The following ELL2 variants were observed in gnomAD, a reference collection of about 807,000 sequenced individuals.
The protein encoded by ELL2 is elongation factor for RNA polymerase II 2, also known as RNA polymerase II elongation factor ELL2.
Under a neutral mutation model 72.8 loss-of-function variants are expected in ELL2, and 21 were observed. The ratio of observed to expected loss-of-function variants is 0.29; its 90% CI spans 0.20 to 0.42. ELL2 has a LOEUF of 0.42. Ranked by LOEUF, ELL2 falls within the 10% of genes least tolerant of loss-of-function variation. The probability of loss-of-function intolerance (pLI) is 1.00; values close to 1 mark genes in which losing one functional copy is unlikely to be tolerated. For missense variants in ELL2, 568 were observed against 772.8 expected, an observed-to-expected ratio of 0.73 and a Z score of 3.14; for synonymous variants, 266 against 283.2, an observed-to-expected ratio of 0.94 and a Z score of 0.61.
intron 4 of ELL2, among the ~76,000 whole-genome samples, chr5:95,907,296 A>ATATATATATATATTTTTTTTTTT: frequency 3.4e-5 from 4 of 116,492 alleles, no homozygotes; most frequent in South Asian, 6.1e-4. Flanking sequence ...ATATATATAT[A>ATATATATATATATTTTTTTTTTT]TTTTTTTTTT....
At chr5:95,906,443 T>C in intron 5 of ELL2, 80 bp downstream of exon 5, 1 of 1,439,586 alleles carries the variant, frequency 6.9e-7, no homozygotes, top group East Asian at 2.3e-5. Flanking sequence ...ATAATAATGA[T>C]AATAATGACA....
At chr5:95,946,194 C>T (rs1274829163) in intron 1 of ELL2, among the ~76,000 whole-genome samples, 2 of 152,112 alleles carry the variant, frequency 1.3e-5, no homozygotes, top group Admixed American at 6.5e-5. Context: ...TAGTGCAGTC[C>T]GGGCGGATGC....
intron 9 of ELL2, among the ~76,000 whole-genome samples, chr5:95,892,925 G>A (rs1450665467): frequency 2.0e-5 from 3 of 152,192 alleles, no homozygotes; most frequent in Non-Finnish European, 4.4e-5. Flanking sequence ...GCCAAGCAGT[G>A]AAGCAGTCCT....
At chr5:95,922,207 C>T (rs1342770492) in intron 2 of ELL2, among the ~76,000 whole-genome samples, 1 of 152,128 alleles carries the variant, frequency 6.6e-6, no homozygotes, top group Non-Finnish European at 1.5e-5. Context: ...GGACTACAGG[C>T]ACCCGCCACC....
rs1308756507 is a variant in ELL2 at position 95,943,039 on chromosome 5, G to A, written c.158C>T (p.Pro53Leu). ...TTGGAACTGGATTGAAGGTCGAAAAGGAATTAAATTCTATTAAAAGAAACA... is the reference window on the plus strand; with the variant it reads ...TTGGAACTGGATTGAAGGTCGAAAAAGAATTAAATTCTATTAAAAGAAACA... Reference protein sequence around the residue: ...ETYQSHKNLIPFRPSIQFQGL... With the variant: ...ETYQSHKNLILFRPSIQFQGL... The change falls in exon 2 of 12, where the codon CCT becomes CTT. Residue 53 changes from proline (P) to leucine (L), a missense_variant. By Grantham distance (98) the Pro-to-Leu change is moderately conservative (BLOSUM62 -3). This residue lies in a region of ELL2 where 511 missense variants were observed against 728.4 expected (regional missense o/e 0.70). Coordinates refer to ENST00000237853, the MANE Select transcript of ELL2 (RefSeq NM_012081.6). 7.5e-6 allele frequency: 12 copies of A among 1,600,520 alleles called. No individual in the cohort carries two copies. Among genetic ancestry groups the A allele is most frequent in the Middle Eastern group, 1.7e-4 (1 of 6,040 alleles).
At position 95,885,614 on chromosome 5, in the gene ELL2, T is replaced by C. The variant is rs1026720485; in HGVS notation, c.*3257A>G. 6.6e-6 allele frequency: 1 copy of C among 152,116 alleles called. No individual in the cohort carries two copies. The highest frequency in any genetic ancestry group is 2.4e-5 in the African/African-American group (1 of 41,416). The allele number at this position is 152,116 out of a possible 1,614,324, so 9.4% of individuals were successfully genotyped here. On this transcript the variant is annotated 3_prime_UTR_variant, in exon 12 of 12. Transcript: ENST00000237853. ...AAAAGGGTAAGGCATCCAAGCAGAG[T>C]GTCTGAATTGATGGACCACTTTTGT...
At position 95,943,020 on chromosome 5, in the gene ELL2, C is replaced by T. The variant is rs1352407043; in HGVS notation, c.177G>A (p.Gln59=). Residue 59 remains glutamine (Q), a synonymous_variant, in exon 2 of 12, where the codon CAG becomes CAA. Coordinates refer to ENST00000237853, the MANE Select transcript of ELL2 (RefSeq NM_012081.6). ...TACTCACCCCGTGGAGTCCTTGGAA[C>T]TGGATTGAAGGTCGAAAAGGAATTA... ...KNLIPFRPSI[Q]FQGLHGLVKI... 2 of 1,601,222 alleles carry T rather than the reference C, an allele frequency of 1.2e-6. No homozygotes were observed. Among genetic ancestry groups the T allele is most frequent in the African/African-American group, 1.3e-5 (1 of 74,402 alleles).
chr5:95,956,172 C>T (rs1466344879), intron 1 of ELL2, among the ~76,000 whole-genome samples: 1 of 152,096 alleles, frequency 6.6e-6, no homozygotes, highest in African/African-American at 2.4e-5. Flanking sequence ...CACATATGTT[C>T]TTTCTTTCTC....
intron 8 of ELL2, 148 bp downstream of exon 8, chr5:95,898,091 GA>G (rs61457748): frequency 0.33 from 142,368 of 436,966 alleles, 9,974 homozygotes; most frequent in East Asian, 0.51. Context: ...GCTGTAAAAT[GA>G]AAAAAAAAAA....
chr5:95,901,442 C>G (rs1434346976), intron 5 of ELL2, among the ~76,000 whole-genome samples: 1 of 152,204 alleles, frequency 6.6e-6, no homozygotes, highest in Non-Finnish European at 1.5e-5. Flanking sequence ...AGGATACACT[C>G]AAACACCCCC....
At chr5:95,930,486 T>C (rs190060369) in intron 2 of ELL2, among the ~76,000 whole-genome samples, 4 of 152,342 alleles carry the variant, frequency 2.6e-5, no homozygotes, top group Admixed American at 6.5e-5. Context: ...AGAAAACTTG[T>C]AAGTCCAATA....
chr5:95,920,069 C>T, intron 2 of ELL2, among the ~76,000 whole-genome samples: 1 of 151,942 alleles, frequency 6.6e-6, no homozygotes. Context: ...CTTAGAGTAA[C>T]AGCATAAGGT....
chr5:95,913,902 A>C lies in ELL2; in HGVS notation c.350T>G (p.Phe117Cys). 1 of 1,610,804 alleles carries C rather than the reference A, an allele frequency of 6.2e-7. No homozygotes were observed. The highest frequency in any genetic ancestry group is 8.5e-7 in the Non-Finnish European group (1 of 1,178,742). The change falls in exon 4 of 12, where the codon TTT becomes TGT. Residue 117 changes from phenylalanine to cysteine, a missense_variant. Coordinates refer to ENST00000237853, the MANE Select transcript of ELL2 (RefSeq NM_012081.6). ...ACACACTGTAATTTTATCTTGTATA[A>C]ATCCCAGGCAATTGAGCTGGGAGGC... is the stretch of plus-strand genomic sequence containing the variant. ...SGASQLNCLG[F>C]IQDKITVCAT...
intron 8 of ELL2, 149 bp downstream of exon 8, chr5:95,898,091 G>GAA (rs61457748): frequency 9.9e-3 from 4,325 of 436,590 alleles, no homozygotes; most frequent in Non-Finnish European, 0.012. Flanking sequence ...GCTGTAAAAT[G>GAA]AAAAAAAAAA....
intron 8 of ELL2, among the ~76,000 whole-genome samples, chr5:95,897,400 TG>T (rs3836904): frequency 0.31 from 47,798 of 152,138 alleles, 7,962 homozygotes; most frequent in African/African-American, 0.43. Context: ...ATCTTCTATG[TG>T]GTGGCATGCA....
intron 5 of ELL2, among the ~76,000 whole-genome samples, chr5:95,901,525 T>C (rs768865140): frequency 1.3e-5 from 2 of 151,596 alleles, no homozygotes; most frequent in Non-Finnish European, 2.9e-5. Context: ...ACATACCTGA[T>C]AGTTTAATTT....
At chr5:95,955,846 T>A (rs140495931) in intron 1 of ELL2, among the ~76,000 whole-genome samples, 191 of 151,994 alleles carry the variant, frequency 1.3e-3, no homozygotes, top group African/African-American at 4.5e-3. Flanking sequence ...TTTGGCCCAA[T>A]CTAGCAAATG....
intron 2 of ELL2, among the ~76,000 whole-genome samples, chr5:95,932,384 T>G (rs1750631953): frequency 1.3e-5 from 2 of 152,182 alleles, no homozygotes; most frequent in Non-Finnish European, 2.9e-5. Context: ...GTTAGGCCAT[T>G]GGCAAAGCCA....
At chr5:95,943,492 A>T (rs1751046776) in intron 1 of ELL2, among the ~76,000 whole-genome samples, 1 of 152,174 alleles carries the variant, frequency 6.6e-6, no homozygotes, top group South Asian at 2.1e-4. Flanking sequence ...TTTGGCAAAA[A>T]ATGGTTAGTA....
Sources: allele counts gnomAD v4.1 joint callset (sites outside exome capture counted in the v4.1 genomes callset), GRCh38; gene constraint gnomAD v4.1.1; regional missense constraint gnomAD v4.1.1; transcripts MANE v1.5; gene names NCBI Gene and HGNC (gene_info 2026-07-23, HGNC 2026-07-21).